Variants in BLK observed in about 807,000 individuals in gnomAD.
BLK encodes tyrosine-protein kinase Blk.
A neutral mutation model predicts 61.8 loss-of-function variants in BLK; 64 were observed. The observed-to-expected ratio is 1.03, with a 90% CI of 0.85 to 1.27. The LOEUF (loss-of-function observed/expected upper bound fraction) is 1.27. BLK is among the 50% of genes most tolerant of loss of function. The probability of loss-of-function intolerance (pLI) is 0.00; values close to 1 mark genes in which losing one functional copy is unlikely to be tolerated. For synonymous variants in BLK, 351 were observed against 272.0 expected, an observed-to-expected ratio of 1.29 and a Z score of -2.86; for missense variants, 853 against 660.5, an observed-to-expected ratio of 1.29 and a Z score of -3.19.
At chr8:11,511,861 T>G (rs1207755922) in intron 1 of BLK, among the ~76,000 whole-genome samples, 3 of 152,236 alleles carry the variant, frequency 2.0e-5, no homozygotes, top group Non-Finnish European at 2.9e-5. Context: ...GTTGGGAGTA[T>G]GAATGACATC....
intron 1 of BLK, among the ~76,000 whole-genome samples, chr8:11,520,507 G>A (rs939386309): frequency 9.0e-4 from 106 of 117,754 alleles, no homozygotes; most frequent in South Asian, 1.7e-3. Context: ...AAAAAAGGAA[G>A]AAAGAAAAAG....
chr8:11,563,759 A>G, intron 12 of BLK, 144 bp from the exon 13 acceptor site: 1 of 752,744 alleles, frequency 1.3e-6, no homozygotes, highest in Non-Finnish European at 2.1e-6. Flanking sequence ...CAGCCAGGCA[A>G]CGCACGAGGC....
At chr8:11,531,916 T>C (rs1370759429) in intron 1 of BLK, among the ~76,000 whole-genome samples, 5 of 152,164 alleles carry the variant, frequency 3.3e-5, no homozygotes, top group Admixed American at 1.3e-4. Context: ...TGGAGTGCAG[T>C]GGCACCATCT....
intron 1 of BLK, among the ~76,000 whole-genome samples, chr8:11,506,451 G>C (rs555222887): frequency 6.6e-6 from 1 of 152,338 alleles, no homozygotes; most frequent in East Asian, 1.9e-4. Context: ...TTATGAGGGC[G>C]TTCCTGGCCT....
rs567028210 is a variant in BLK, at chr8:11,532,430, C to T, written c.-1-10794C>T. Reference sequence around the variant, plus strand: ...TTCACCATGTTGGCCAGGCTGGTCTCGAACTCCTGAGCTCAAATGATCCTC... The same window carrying T: ...TTCACCATGTTGGCCAGGCTGGTCTTGAACTCCTGAGCTCAAATGATCCTC... On this transcript the variant is annotated intron_variant, in intron 1 of 12. Coordinates refer to ENST00000259089, the MANE Select transcript of BLK (RefSeq NM_001715.3). 2.3e-3 allele frequency among the ~76,000 whole-genome samples: 350 copies of T among 149,720 alleles called. 1 individual carries two copies. The highest frequency in any genetic ancestry group is 7.4e-3 in the African/African-American group (302 of 40,590).
At chr8:11,495,232 C>T (rs924028887) in intron 1 of BLK, among the ~76,000 whole-genome samples, 1 of 152,174 alleles carries the variant, frequency 6.6e-6, no homozygotes, top group African/African-American at 2.4e-5. Context: ...GACAACGTTT[C>T]CATTTATCTG....
rs1450997944 is a variant in BLK, at chr8:11,564,573, T to C, written c.*465T>C. 3 of 435,148 alleles carry C rather than the reference T, an allele frequency of 6.9e-6. No homozygotes were observed. Among genetic ancestry groups the C allele is most frequent in the Non-Finnish European group, 1.4e-5 (3 of 216,496 alleles). 27.0% of individuals were successfully genotyped at this position (435,148 alleles called of 1,614,324 possible). On this transcript the variant is annotated 3_prime_UTR_variant, in exon 13 of 13. Transcript: ENST00000259089. ...GCTGCGCTCCAGCACTGCGGGGCTT[T>C]TCTGCAATAAAGTCACGAGCGTTCG...
intron 1 of BLK, among the ~76,000 whole-genome samples, chr8:11,504,367 G>GGAAGAAAGAAAAGA (rs1554540059): frequency 7.6e-4 from 30 of 39,376 alleles, no homozygotes; most frequent in African/African-American, 1.2e-3. Context: ...AAGGAAGGAA[G>GGAAGAAAGAAAAGA]AAAGAAAAGA....
chr8:11,549,847 C>T lies in BLK; in HGVS notation c.369-312C>T, dbSNP rs564782851. On this transcript the variant is annotated intron_variant, in intron 5 of 12. Transcript: ENST00000259089. Reference sequence around the variant, plus strand: ...GGAGGAGGCACGTGCCTGTGATACGCAGCTGTGCTTTGGAGAGAGTGATCA... The same window carrying T: ...GGAGGAGGCACGTGCCTGTGATACGTAGCTGTGCTTTGGAGAGAGTGATCA... 2.1e-4 allele frequency: 86 copies of T among 400,398 alleles called. 2 individuals are homozygous for T. Among genetic ancestry groups the T allele is most frequent in the South Asian group, 1.5e-3 (72 of 47,380 alleles). 24.8% of individuals were successfully genotyped at this position (400,398 alleles called of 1,614,324 possible).
chr8:11,527,656 G>C (rs776151119), intron 1 of BLK, among the ~76,000 whole-genome samples: 2 of 151,912 alleles, frequency 1.3e-5, no homozygotes, highest in Non-Finnish European at 2.9e-5. Flanking sequence ...AATCGTAGGG[G>C]TGTGGAAAAT....
intron 12 of BLK, 151 bp downstream of exon 12, chr8:11,563,261 A>T: frequency 8.5e-7 from 1 of 1,180,582 alleles, no homozygotes; most frequent in East Asian, 2.6e-5. Flanking sequence ...TCTGGGGTGG[A>T]GCTCTGCCCC....
chr8:11,553,507 C>T, intron 6 of BLK: 1 of 322,550 alleles, frequency 3.1e-6, no homozygotes, highest in South Asian at 2.5e-5. Flanking sequence ...TCTAAAGCAC[C>T]AGCTTGGGAA....
chr8:11,535,082 G>A (rs537161048), intron 1 of BLK, among the ~76,000 whole-genome samples: 10 of 151,996 alleles, frequency 6.6e-5, no homozygotes. Context: ...GGAGGTTGAG[G>A]TGGGAGGATC....
At chr8:11,524,672 G>T (rs6992127) in intron 1 of BLK, among the ~76,000 whole-genome samples, 3 of 152,170 alleles carry the variant, frequency 2.0e-5, no homozygotes, top group Non-Finnish European at 4.4e-5. Context: ...AAGAGAAAGG[G>T]CATGAGCAAA....
chr8:11,497,442 A>G (rs1431059778), intron 1 of BLK, among the ~76,000 whole-genome samples: 1 of 152,112 alleles, frequency 6.6e-6, no homozygotes, highest in Non-Finnish European at 1.5e-5. Context: ...TCCCAGTCAC[A>G]GTGCCCAAGC....
intron 1 of BLK, among the ~76,000 whole-genome samples, chr8:11,518,315 C>T (rs147677228): frequency 2.8e-4 from 42 of 152,318 alleles, no homozygotes; most frequent in Admixed American, 9.1e-4. Context: ...AGAGTGAATA[C>T]GCACTTTCGT....
chr8:11,543,127 C>A, intron 1 of BLK, 97 bp from the exon 2 acceptor site: 2 of 1,595,228 alleles, frequency 1.3e-6, no homozygotes, highest in Non-Finnish European at 8.5e-7. Flanking sequence ...CCCCACCTTT[C>A]TAACCAGCCT....
At chr8:11,538,780 C>T (rs915399371) in intron 1 of BLK, among the ~76,000 whole-genome samples, 1 of 152,188 alleles carries the variant, frequency 6.6e-6, no homozygotes, top group Admixed American at 6.5e-5. Context: ...CCACGAAAGG[C>T]CTGAGGTTCA....
At chr8:11,524,771 A>G (rs773477470) in intron 1 of BLK, among the ~76,000 whole-genome samples, 1 of 152,240 alleles carries the variant, frequency 6.6e-6, no homozygotes, top group East Asian at 1.9e-4. Context: ...ACAACGGTTC[A>G]TTAAACCTCA....
Sources: allele counts gnomAD v4.1 joint callset (sites outside exome capture counted in the v4.1 genomes callset), GRCh38; gene constraint gnomAD v4.1.1; transcripts MANE v1.5; gene names NCBI Gene and HGNC (gene_info 2026-07-23, HGNC 2026-07-21).